The following CSF1R variants were observed in gnomAD, a reference collection of about 807,000 sequenced individuals.
CSF1R encodes macrophage colony-stimulating factor 1 receptor.
A neutral mutation model predicts 110.0 loss-of-function variants in CSF1R; 40 were observed. The ratio of observed to expected loss-of-function variants is 0.36; its 90% confidence interval spans 0.28 to 0.47. The LOEUF is 0.47. Among genes scored for constraint, CSF1R ranks in the 20% least tolerant of loss-of-function variants. The pLI, the probability that CSF1R is intolerant of heterozygous loss-of-function variation, is 0.99. For synonymous variants in CSF1R, 523 were observed against 503.4 expected (o/e 1.04, Z -0.52); for missense variants, 1,052 against 1,253.0 (o/e 0.84, Z 2.42).
chr5:150,072,875 C>T (rs927530901), intron 6 of CSF1R, among the ~76,000 whole-genome samples: 3 of 152,146 alleles, frequency 2.0e-5, no homozygotes, highest in African/African-American at 7.2e-5. Flanking sequence ...TCTTAATTCC[C>T]TCTTCCCCTC....
At chr5:150,105,213 T>C (rs932965537) in intron 1 of CSF1R, among the ~76,000 whole-genome samples, 6 of 148,428 alleles carry the variant, frequency 4.0e-5, no homozygotes, top group African/African-American at 1.5e-4. Context: ...CCAGGCGTGG[T>C]GGCACGTGGC....
At chr5:150,105,726 G>A (rs1759535548) in intron 1 of CSF1R, among the ~76,000 whole-genome samples, 1 of 152,030 alleles carries the variant, frequency 6.6e-6, no homozygotes, top group Non-Finnish European at 1.5e-5. Context: ...GTCTCACTGT[G>A]TTGCTCCAGC....
intron 1 of CSF1R, among the ~76,000 whole-genome samples, chr5:150,100,996 C>G (rs1243981872): frequency 6.6e-6 from 1 of 151,758 alleles, no homozygotes; most frequent in Non-Finnish European, 1.5e-5. Flanking sequence ...CAAAGGAGAT[C>G]GCATGAATGG....
chr5:150,078,091 T>C (rs1758352531), intron 4 of CSF1R, 21 bp downstream of exon 4: 3 of 1,613,656 alleles, frequency 1.9e-6, no homozygotes, highest in Non-Finnish European at 2.5e-6. Context: ...AGACTTCACC[T>C]TGTGATCTGC....
At chr5:150,105,363 A>AATAT (rs1299956729) in intron 1 of CSF1R, among the ~76,000 whole-genome samples, 7 of 88,180 alleles carry the variant, frequency 7.9e-5, no homozygotes, top group East Asian at 3.7e-4. Flanking sequence ...AAAAAAAAAA[A>AATAT]ATATATATAT....
rs562411061 is a variant in CSF1R, at chr5:150,076,886, C to T, written c.889+390G>A. The stretch of plus-strand genomic sequence containing the variant: ...CGAAGCCTGGGTTGGGGGGACTCTT[C>T]AGTGTTCCCAGGACACCTTGTGCTT... On this transcript the variant is annotated intron_variant, in intron 5 of 20. Transcript: ENST00000675795. 1.4e-3 allele frequency: 388 copies of T among 272,634 alleles called. 1 individual carries two copies. The Middle Eastern group carries it at 0.014, about 10-fold the overall frequency. 16.9% of individuals were successfully genotyped at this position (272,634 alleles called of 1,614,324 possible).
chr5:150,105,144 G>A (rs1247388753), intron 1 of CSF1R, among the ~76,000 whole-genome samples: 2 of 151,392 alleles, frequency 1.3e-5, no homozygotes, highest in South Asian at 2.1e-4. Flanking sequence ...ATCAGGAGAT[G>A]GAGACCAGCC....
At position 150,080,332 on chromosome 5, in the gene CSF1R, AG is replaced by A. The variant is rs1342624234; in HGVS notation, c.311del (p.Pro104LeufsTer8). ...SAAIHLYVKDPARPWNVLAQE... is the reference protein window; with the variant it reads ...SAAIHLYVKDXARPWNVLAQE... The stretch of plus-strand genomic sequence containing the variant: ...GTGCTAGCACGTTCCAGGGCCGGGC[AG>A]GGTCTAGAGTAGAGGAGGGCACAGG... On this transcript the variant is annotated frameshift_variant, in exon 3 of 21. Coordinates refer to ENST00000675795, the MANE Select transcript of CSF1R (RefSeq NM_001288705.3). LOFTEE classifies it high-confidence loss of function. The A allele has an allele frequency of 6.2e-7, 1 of 1,613,054 alleles. No homozygotes were observed. Among genetic ancestry groups the A allele is most frequent in the East Asian group, 2.2e-5 (1 of 44,878 alleles).
intron 10 of CSF1R, among the ~76,000 whole-genome samples, chr5:150,062,550 A>G (rs949853192): frequency 3.5e-5 from 4 of 115,842 alleles, no homozygotes; most frequent in African/African-American, 1.3e-4. Flanking sequence ...TTCACCCAGC[A>G]TAATGTCTTC....
At chr5:150,097,363 GAGAA>G (rs1759259893) in intron 1 of CSF1R, among the ~76,000 whole-genome samples, 1 of 149,162 alleles carries the variant, frequency 6.7e-6, no homozygotes, top group Admixed American at 6.7e-5. Flanking sequence ...GAGGAAGAGA[GAGAA>G]AGAGAAGGAA....
intron 3 of CSF1R, 68 bp downstream of exon 3, chr5:150,079,984 C>A (rs1299833604): frequency 3.5e-5 from 55 of 1,560,096 alleles, no homozygotes; most frequent in Non-Finnish European, 4.7e-5. Flanking sequence ...CCAGTCACCA[C>A]CCATGTGGCC....
At chr5:150,075,182 G>A (rs1303087679) in intron 5 of CSF1R, among the ~76,000 whole-genome samples, 1 of 152,146 alleles carries the variant, frequency 6.6e-6, no homozygotes, top group African/African-American at 2.4e-5. Context: ...GCTTTTGGGG[G>A]CAAGGCTTTT....
intron 3 of CSF1R, among the ~76,000 whole-genome samples, chr5:150,079,018 T>A (rs1017271704): frequency 6.6e-6 from 1 of 152,242 alleles, no homozygotes; most frequent in Non-Finnish European, 1.5e-5. Flanking sequence ...GCCAGCAAGA[T>A]GCCTGATGCA....
chr5:150,090,492 C>T (rs1222640753), upstream of CSF1R, among the ~76,000 whole-genome samples: 2 of 152,144 alleles, frequency 1.3e-5, no homozygotes, highest in Non-Finnish European at 2.9e-5. Flanking sequence ...GTTCTCCATC[C>T]CTGCAGTTTT....
At chr5:150,062,117 C>G (rs146590564) in intron 10 of CSF1R, among the ~76,000 whole-genome samples, 2 of 152,264 alleles carry the variant, frequency 1.3e-5, no homozygotes, top group East Asian at 3.9e-4. Flanking sequence ...AAGACAACCT[C>G]TGAGGGCCCT....
intron 12 of CSF1R, 112 bp downstream of exon 12, chr5:150,061,379 C>A: frequency 2.1e-6 from 2 of 952,436 alleles, no homozygotes; most frequent in Non-Finnish European, 3.1e-6. Flanking sequence ...AGCTCTGTCC[C>A]CCAGGCTTCA....
chr5:150,085,277 G>GAAAAAAAAAAAAAAAAAAAAAAAACAAAA (rs70973563), intron 1 of CSF1R, among the ~76,000 whole-genome samples: 1 of 92,470 alleles, frequency 1.1e-5, no homozygotes, highest in Non-Finnish European at 2.0e-5. Flanking sequence ...TCTGTCTCAG[G>GAAAAAAAAAAAAAAAAAAAAAAAACAAAA]AAAAAAAAAA....
At chr5:150,097,387 AGAAAG>A (rs1489645019) in intron 1 of CSF1R, among the ~76,000 whole-genome samples, 1 of 151,994 alleles carries the variant, frequency 6.6e-6, no homozygotes, top group East Asian at 1.9e-4. Context: ...AAGAAGGAAA[AGAAAG>A]GAAAGAAGAA....
intron 1 of CSF1R, among the ~76,000 whole-genome samples, chr5:150,097,181 T>C (rs921476406): frequency 6.6e-6 from 1 of 152,004 alleles, no homozygotes; most frequent in Non-Finnish European, 1.5e-5. Context: ...GAGCTCAGGA[T>C]GTCTAGCCTA....
Sources: allele counts gnomAD v4.1 joint callset (sites outside exome capture counted in the v4.1 genomes callset), GRCh38; gene constraint gnomAD v4.1.1; transcripts MANE v1.5; gene names NCBI Gene and HGNC (gene_info 2026-07-23, HGNC 2026-07-21).